The following AEBP1 variants were observed in gnomAD, a reference collection of about 807,000 sequenced individuals.
AEBP1 encodes AE binding protein 1.
A neutral mutation model predicts 116.5 loss-of-function variants in AEBP1; 69 were observed. The ratio of observed to expected loss-of-function variants is 0.59; its 90% CI spans 0.49 to 0.72. AEBP1 has a LOEUF of 0.72. Among genes scored for constraint, AEBP1 ranks in the 30% least tolerant of loss-of-function variants. The pLI, the probability that AEBP1 is intolerant of heterozygous loss-of-function variation, is 0.00. For synonymous variants in AEBP1, 627 were observed against 627.3 expected (o/e 1.00, Z 0.01); for missense variants, 1,444 against 1,557.5 (o/e 0.93, Z 1.23).
rs1230529407 is a variant in AEBP1 at position 44,111,534 on chromosome 7, C to T, written c.1744C>T (p.Pro582Ser). The T allele has an allele frequency of 3.7e-6, 6 of 1,603,076 alleles. No homozygotes were observed. In the Admixed American group the frequency reaches 1.1e-4, roughly 28 times the overall value. The change falls in exon 15 of 21, where the codon CCC becomes TCC. Residue 582 changes from proline to serine, a missense_variant. Transcript: ENST00000223357. This position sits in a 1 kb window ranked among gnomAD's most constrained non-coding sequence, Gnocchi z 4.7. ...QLMKVVNEEC[P>S]TITRTYSLGK... ...CATGAAGGTGGTGAACGAGGAGTGC[C>T]CCACCATCACCCGCACTTACAGCCT...
Position 44,113,228 on chromosome 7 carries a change from A to C in AEBP1, c.2710-24A>C. The C allele has an allele frequency of 1.9e-6, 3 of 1,613,408 alleles. No homozygotes were observed. Among genetic ancestry groups the C allele is most frequent in the Non-Finnish European group, 2.5e-6 (3 of 1,179,604 alleles). On this transcript the variant is annotated intron_variant, in intron 19 of 20. Transcript: ENST00000223357. The surrounding 1 kb of genome is among the most constrained non-coding windows in gnomAD (Gnocchi z 5.3). ...ACCACATTGGACCTTCCTGAGGACC[A>C]GCAGCCCTCACCTGCTTCCCTAGGT... is the stretch of plus-strand genomic sequence containing the variant.
chr7:44,108,117 A>G lies in AEBP1; in HGVS notation c.940+33A>G. 1 of 1,571,382 alleles carries G rather than the reference A, an allele frequency of 6.4e-7. No homozygotes were observed. The highest frequency in any genetic ancestry group is 1.2e-5 in the South Asian group (1 of 85,984). ...CCCAGCACCCCAGAGTCTGAGGGAC[A>G]TAGGCAGGTGGGGGTCGGGGCTGGG... On this transcript the variant is annotated intron_variant, in intron 6 of 20. Transcript: ENST00000223357. The surrounding 1 kb of genome is among the most constrained non-coding windows in gnomAD (Gnocchi z 5.0).
chr7:44,106,288 C>T (rs778428244), intron 1 of AEBP1: 64 of 651,662 alleles, frequency 9.8e-5, no homozygotes, highest in South Asian at 3.3e-4. Context: ...ATGAGGGCCT[C>T]CCCCTGGGAA....
rs2096223890 is a variant in AEBP1 at position 44,107,243 on chromosome 7, C to T, written c.596-196C>T. Among the ~76,000 whole-genome samples the T allele has an allele frequency of 6.6e-6, 1 of 152,210 alleles. No homozygotes were observed. Among genetic ancestry groups the T allele is most frequent in the African/African-American group, 2.4e-5 (1 of 41,458 alleles). Reference sequence around the variant, plus strand: ...CACAGTAGGTTCCCCAGAAGGTGGGCCCAGCTCTCTGGCCCCATGAGATGC... The same window carrying T: ...CACAGTAGGTTCCCCAGAAGGTGGGTCCAGCTCTCTGGCCCCATGAGATGC... On this transcript the variant is annotated intron_variant, in intron 2 of 20. Coordinates refer to ENST00000223357, the MANE Select transcript of AEBP1 (RefSeq NM_001129.5). This position sits in a 1 kb window ranked among gnomAD's most constrained non-coding sequence, Gnocchi z 4.3.
Position 44,114,455 on chromosome 7 carries a change from G to A in AEBP1, c.*194G>A. ...CCTAAGAGCCAGAGGCTGTGTAGAG[G>A]CTCCTGCTCCACCTGCCAGTCTCGT... is the stretch of plus-strand genomic sequence containing the variant. On this transcript the variant is annotated 3_prime_UTR_variant, in exon 21 of 21. Coordinates refer to ENST00000223357, the MANE Select transcript of AEBP1 (RefSeq NM_001129.5). The A allele has an allele frequency of 1.5e-6, 1 of 668,274 alleles. No individual in the cohort carries two copies. Among genetic ancestry groups the A allele is most frequent in the East Asian group, 2.7e-5 (1 of 36,690 alleles). The allele number at this position is 668,274 out of a possible 1,614,324, so 41.4% of individuals were successfully genotyped here.
In AEBP1 at chr7:44,112,777, C is replaced by A; in HGVS notation, c.2437C>A (p.Arg813=). ...GGAGACTCCAGACCACGCCATCTTC[C>A]GGTGGCTTGCCATCTCCTTCGCCTC... ...AQETPDHAIF[R]WLAISFASAH... Residue 813 remains arginine (R), a synonymous_variant, in exon 18 of 21, where the codon CGG becomes AGG. Transcript: ENST00000223357. The surrounding 1 kb of genome is among the most constrained non-coding windows in gnomAD (Gnocchi z 6.6). 1 of 1,612,920 alleles carries A rather than the reference C, an allele frequency of 6.2e-7. No individual in the cohort carries two copies. The highest frequency in any genetic ancestry group is 8.5e-7 in the Non-Finnish European group (1 of 1,179,976).
Position 44,110,951 on chromosome 7 carries a change from G to A in AEBP1, c.1524G>A (p.Leu508=). The A allele has an allele frequency of 6.2e-7, 1 of 1,614,036 alleles. No individual in the cohort carries two copies. Among genetic ancestry groups the A allele is most frequent in the Non-Finnish European group, 8.5e-7 (1 of 1,180,016 alleles). The change falls in exon 13 of 21, where the codon CTG becomes CTA. Residue 508 remains leucine, a synonymous_variant. Coordinates refer to ENST00000223357, the MANE Select transcript of AEBP1 (RefSeq NM_001129.5). ...ACGTGGACAAGGACACACCCGTGCT[G>A]AGTGAGCTCCCAGAGCCGGTGGTGG... The part of the protein sequence containing the change: ...HGNVDKDTPV[L]SELPEPVVAR...
Position 44,107,571 on chromosome 7 carries a change from C to T in AEBP1, c.668-58C>T. On this transcript the variant is annotated intron_variant, in intron 3 of 20. Transcript: ENST00000223357. The surrounding 1 kb of genome is among the most constrained non-coding windows in gnomAD (Gnocchi z 4.3). ...CTGCCCTGGCTGGTTGGACTGAGGGCTTCCCCAGAGTAGGCCTGGGTGGGG... is the reference window on the plus strand; with the variant it reads ...CTGCCCTGGCTGGTTGGACTGAGGGTTTCCCCAGAGTAGGCCTGGGTGGGG... The T allele has an allele frequency of 8.1e-6, 13 of 1,613,244 alleles. No homozygotes were observed. Among genetic ancestry groups the T allele is most frequent in the Non-Finnish European group, 1.1e-5 (13 of 1,179,788 alleles).
In AEBP1 at chr7:44,111,411, G is replaced by A. The variant is rs922684973; in HGVS notation, c.1717-96G>A. The A allele has an allele frequency of 2.3e-5, 34 of 1,471,996 alleles. No homozygotes were observed. Among genetic ancestry groups the A allele is most frequent in the Middle Eastern group, 4.0e-4 (2 of 5,040 alleles). 91.2% of individuals were successfully genotyped at this position (1,471,996 alleles called of 1,614,324 possible). On this transcript the variant is annotated intron_variant, in intron 14 of 20. Coordinates refer to ENST00000223357, the MANE Select transcript of AEBP1 (RefSeq NM_001129.5). The surrounding 1 kb of genome is among the most constrained non-coding windows in gnomAD (Gnocchi z 4.7). Reference sequence around the variant, plus strand: ...GGGGCTGCGTGAAGGGGTCATGCCCGTCCCTCGCCATAGAGCAGGCCCTGG... The same window carrying A: ...GGGGCTGCGTGAAGGGGTCATGCCCATCCCTCGCCATAGAGCAGGCCCTGG...
chr7:44,105,139 G>T (rs2096221656), intron 1 of AEBP1, among the ~76,000 whole-genome samples: 2 of 152,254 alleles, frequency 1.3e-5, no homozygotes, highest in South Asian at 4.1e-4. Context: ...CGCTTTTGGG[G>T]GCCGGTGGCT....
Position 44,106,748 on chromosome 7 carries a change from G to A in AEBP1, c.456G>A (p.Lys152=). ...PKEKPPKATK[K]PKEKPPKATK... ...AGAAGCCACCCAAGGCCACCAAGAA[G>A]CCCAAAGAGAAGCCACCCAAGGCCA... Residue 152 remains lysine, a synonymous_variant, in exon 2 of 21, where the codon AAG becomes AAA. Transcript: ENST00000223357. The A allele has an allele frequency of 1.2e-6, 2 of 1,612,810 alleles. No homozygotes were observed. Among genetic ancestry groups the A allele is most frequent in the East Asian group, 4.5e-5 (2 of 44,828 alleles).
chr7:44,108,529 C>T lies in AEBP1; in HGVS notation c.941-370C>T, dbSNP rs1390458615. On this transcript the variant is annotated intron_variant, in intron 6 of 20. Transcript: ENST00000223357. The surrounding 1 kb of genome is among the most constrained non-coding windows in gnomAD (Gnocchi z 5.0). ...TCCTCCTGGGTGGCAGCCCGTGCAT[C>T]GCCATTTCCCTGCCCCCAGGTCCCC... 6.6e-6 allele frequency among the ~76,000 whole-genome samples: 1 copy of T among 152,252 alleles called. No homozygotes were observed. The highest frequency in any genetic ancestry group is 2.1e-4 in the South Asian group (1 of 4,818).
Position 44,107,908 on chromosome 7 carries a change from C to T in AEBP1, c.839C>T (p.Ala280Val), listed in dbSNP as rs777183157. ...GAGCCCCCTGAGGAGAAGGCCCCGG[C>T]CCCAGCCCCGGAGGAGAGGATTGGT... The part of the protein sequence containing the change: ...WPEPPEEKAP[A>V]PAPEERIEPP... The change falls in exon 5 of 21, where the codon GCC (alanine) becomes GTC (valine). Residue 280 changes from alanine to valine, a missense_variant. Coordinates refer to ENST00000223357, the MANE Select transcript of AEBP1 (RefSeq NM_001129.5). The surrounding 1 kb of genome is among the most constrained non-coding windows in gnomAD (Gnocchi z 4.3). The T allele has an allele frequency of 1.3e-6, 2 of 1,592,676 alleles. No individual in the cohort carries two copies. The highest frequency in any genetic ancestry group is 8.5e-7 in the Non-Finnish European group (1 of 1,170,332).
In AEBP1 at chr7:44,113,752, A is replaced by G; in HGVS notation, c.2968A>G (p.Ile990Val). 6.2e-7 allele frequency: 1 copy of G among 1,614,108 alleles called. No homozygotes were observed. The highest frequency in any genetic ancestry group is 8.5e-7 in the Non-Finnish European group (1 of 1,179,982). ...CCTGGCTCGCTCCAACTGGAAGCGCATCCGGGAGATCATGGCCATGAACGG... is the reference window on the plus strand; with the variant it reads ...CCTGGCTCGCTCCAACTGGAAGCGCGTCCGGGAGATCATGGCCATGAACGG... ...FILARSNWKR[I>V]REIMAMNGNR... The change falls in exon 21 of 21, where the codon ATC (isoleucine) becomes GTC (valine). Residue 990 changes from isoleucine (I) to valine (V), a missense_variant. Coordinates refer to ENST00000223357, the MANE Select transcript of AEBP1 (RefSeq NM_001129.5). The surrounding 1 kb of genome is among the most constrained non-coding windows in gnomAD (Gnocchi z 5.3).
At position 44,108,971 on chromosome 7, in the gene AEBP1, A is replaced by G. The variant is rs973043917; in HGVS notation, c.1013A>G (p.Glu338Gly). Residue 338 changes from glutamate (E) to glycine (G), a missense_variant, in exon 7 of 21, where the codon GAG becomes GGG. Physicochemically the swap from Glu to Gly is moderately conservative, Grantham distance 98. Transcript: ENST00000223357. The surrounding 1 kb of genome is among the most constrained non-coding windows in gnomAD (Gnocchi z 5.0). ...CGCCAGACAGACGAAGAGAAGGAGG[A>G]GCTGAGTGAGTGGGACCAAGGACTT... Reference protein sequence around the residue: ...AERQTDEEKEELKKPKKEDSS... With the variant: ...AERQTDEEKEGLKKPKKEDSS... 1 of 1,604,932 alleles carries G rather than the reference A, an allele frequency of 6.2e-7. No homozygotes were observed. Among genetic ancestry groups the G allele is most frequent in the Non-Finnish European group, 8.5e-7 (1 of 1,176,348 alleles).
chr7:44,111,090 G>T lies in AEBP1; in HGVS notation c.1630+33G>T. 6.3e-7 allele frequency: 1 copy of T among 1,597,638 alleles called. No homozygotes were observed. Among genetic ancestry groups the T allele is most frequent in the African/African-American group, 1.3e-5 (1 of 74,854 alleles). ...TGGAGGGCTGGCAGGGGCTCTGAGT[G>T]GAGGTGGGGTGCTAGGGTGGGCCAG... On this transcript the variant is annotated intron_variant, in intron 13 of 20. Coordinates refer to ENST00000223357, the MANE Select transcript of AEBP1 (RefSeq NM_001129.5). The surrounding 1 kb of genome is among the most constrained non-coding windows in gnomAD (Gnocchi z 4.7).
Position 44,104,476 on chromosome 7 carries a change from T to G in AEBP1, c.-190T>G. ...TGGCTTCGGAGCCCCCCAGCACCCC[T>G]TCCCGGGTCCCCTCGCCCACCCTAA... On this transcript the variant is annotated 5_prime_UTR_variant, in exon 1 of 21. Coordinates refer to ENST00000223357, the MANE Select transcript of AEBP1 (RefSeq NM_001129.5). 2.4e-6 allele frequency: 1 copy of G among 423,252 alleles called. No homozygotes were observed. Among genetic ancestry groups the G allele is most frequent in the East Asian group, 3.9e-5 (1 of 25,736 alleles). 26.2% of individuals were successfully genotyped at this position (423,252 alleles called of 1,614,324 possible).
In AEBP1 at chr7:44,104,842, T is replaced by G. The variant is rs2096221306; in HGVS notation, c.177T>G (p.Pro59=). Residue 59 remains proline (P), a synonymous_variant, in exon 1 of 21, where the codon CCT becomes CCG. Transcript: ENST00000223357. ...PREDDVEAPP[P]PEPTPRVRKA... is the part of the protein sequence containing the mutation. ...AGGACGACGTGGAGGCCCCGCCGCC[T>G]CCCGAGCCCACCCCGCGGGTCCGAA... 1.9e-6 allele frequency: 3 copies of G among 1,586,150 alleles called. No individual in the cohort carries two copies. Among genetic ancestry groups the G allele is most frequent in the African/African-American group, 2.7e-5 (2 of 74,114 alleles).
rs1314503886 is a variant in AEBP1 at position 44,113,813 on chromosome 7, C to T, written c.3029C>T (p.Pro1010Leu). The T allele has an allele frequency of 1.2e-6, 2 of 1,613,916 alleles. No homozygotes were observed. Among genetic ancestry groups the T allele is most frequent in the African/African-American group, 1.3e-5 (1 of 74,898 alleles). Residue 1010 changes from proline (P) to leucine (L), a missense_variant, in exon 21 of 21, where the codon CCT becomes CTT. By Grantham distance (98) the Pro-to-Leu change is moderately conservative. Coordinates refer to ENST00000223357, the MANE Select transcript of AEBP1 (RefSeq NM_001129.5). The surrounding 1 kb of genome is among the most constrained non-coding windows in gnomAD (Gnocchi z 5.3). Reference sequence around the variant, plus strand: ...ATCCCACACATAGACCCATCGCGCCCTATGACCCCCCAACAGCGACGCCTG... The same window carrying T: ...ATCCCACACATAGACCCATCGCGCCTTATGACCCCCCAACAGCGACGCCTG... ...RPIPHIDPSR[P>L]MTPQQRRLQQ...
Sources: gnomAD v4.1 joint callset for allele counts (sites outside exome capture counted in the v4.1 genomes callset) on GRCh38, gnomAD v4.1.1 for gene constraint, Gnocchi (gnomAD v3.1) non-coding constraint, MANE v1.5 for transcripts, NCBI Gene and HGNC (gene_info 2026-07-23, HGNC 2026-07-21) for gene names.